Variants in SPAG16 observed in about 807,000 individuals in gnomAD.
The protein encoded by SPAG16 is sperm associated antigen 16.
SPAG16 carries 86 observed loss-of-function variants against 80.4 expected under a neutral mutation model. The observed-to-expected ratio is 1.07, with a 90% CI of 0.90 to 1.28. SPAG16 has a LOEUF of 1.28. SPAG16 is among the 50% of genes most tolerant of loss of function. The pLI, the probability that SPAG16 is intolerant of heterozygous loss-of-function variation, is 0.00. For synonymous variants in SPAG16, 294 were observed against 265.9 expected, an observed-to-expected ratio of 1.11 and a Z score of -1.03; for missense variants, 870 against 765.3, an observed-to-expected ratio of 1.14 and a Z score of -1.61.
chr2:214,270,267 T>C (rs908349323), intron 15 of SPAG16, among the ~76,000 whole-genome samples: 1 of 152,208 alleles, frequency 6.6e-6, no homozygotes, highest in Non-Finnish European at 1.5e-5. Context: ...TTAATTTCAT[T>C]TGCATAGTCT....
At chr2:213,371,576 C>CA (rs2066638851) in intron 8 of SPAG16, among the ~76,000 whole-genome samples, 1 of 151,986 alleles carries the variant, frequency 6.6e-6, no homozygotes, top group Non-Finnish European at 1.5e-5. Context: ...TCCACCCATC[C>CA]ATCTATCCAT....
intron 15 of SPAG16, among the ~76,000 whole-genome samples, chr2:214,253,227 A>C (rs138645448): frequency 0.023 from 3,462 of 151,280 alleles, 88 homozygotes; most frequent in African/African-American, 0.06. Flanking sequence ...GGGTAGATTG[A>C]AAAAATATTC....
At chr2:214,229,180 A>G (rs7571464) in intron 15 of SPAG16, among the ~76,000 whole-genome samples, 7,885 of 145,892 alleles carry the variant, frequency 0.054, 701 homozygotes, top group African/African-American at 0.19. Flanking sequence ...TAATTTCACT[A>G]TAGAAGAAAG....
At chr2:213,572,943 C>T (rs189099646) in intron 10 of SPAG16, among the ~76,000 whole-genome samples, 3 of 152,178 alleles carry the variant, frequency 2.0e-5, no homozygotes, top group East Asian at 1.9e-4. Context: ...TCTCATGGTT[C>T]GCCGCTTTTT....
rs537748803 is a variant in SPAG16 at position 213,483,251 on chromosome 2, T to C, written c.943-6712T>C. On this transcript the variant is annotated intron_variant, in intron 9 of 15. Transcript: ENST00000331683. ...CTTCACTATAATAAATAACGATGCA[T>C]AGAAAACTTTATATGTAGATCTTAG... Among the ~76,000 whole-genome samples, 327 of 152,298 alleles carry C rather than the reference T, an allele frequency of 2.1e-3. 2 individuals carry two copies. The highest frequency in any genetic ancestry group is 7.5e-3 in the African/African-American group (310 of 41,580).
intron 10 of SPAG16, among the ~76,000 whole-genome samples, chr2:213,844,897 C>T (rs1263575211): frequency 6.6e-6 from 1 of 152,054 alleles, no homozygotes; most frequent in African/African-American, 2.4e-5. Context: ...GCATACATAG[C>T]AATACAAATA....
chr2:213,476,597 T>C (rs2073407018), intron 9 of SPAG16, among the ~76,000 whole-genome samples: 1 of 152,228 alleles, frequency 6.6e-6, no homozygotes, highest in African/African-American at 2.4e-5. Context: ...GAGTCATAGG[T>C]CCACTCTTAC....
chr2:214,362,204 G>T (rs1405824561), intron 15 of SPAG16, among the ~76,000 whole-genome samples: 8 of 151,774 alleles, frequency 5.3e-5, no homozygotes, highest in African/African-American at 1.9e-4. Flanking sequence ...TTCATTATAA[G>T]GAGAAGGAGG....
chr2:213,764,372 G>C (rs527729773), intron 10 of SPAG16, among the ~76,000 whole-genome samples: 40 of 151,072 alleles, frequency 2.6e-4, no homozygotes, highest in Non-Finnish European at 2.7e-4. Context: ...GAACATTCAG[G>C]GGGAAAAAAA....
At chr2:213,504,551 A>G (rs2074882285) in intron 10 of SPAG16, among the ~76,000 whole-genome samples, 1 of 152,184 alleles carries the variant, frequency 6.6e-6, no homozygotes, top group African/African-American at 2.4e-5. Context: ...AAAATATATT[A>G]GAAGATAAAG....
At position 214,332,987 on chromosome 2, in the gene SPAG16, C is replaced by T. The variant is rs567850008; in HGVS notation, c.1721-77153C>T. 3.3e-5 allele frequency among the ~76,000 whole-genome samples: 5 copies of T among 152,272 alleles called. No homozygotes were observed. The East Asian group carries it at 5.8e-4, about 18-fold the overall frequency. On this transcript the variant is annotated intron_variant, in intron 15 of 15. Coordinates refer to ENST00000331683, the MANE Select transcript of SPAG16 (RefSeq NM_024532.5). The stretch of plus-strand genomic sequence containing the variant: ...AAGTTATGATGTGATGCTTTAGTCT[C>T]GAGATATCAATGTCAGCAATTCTCA...
At chr2:213,552,783 A>AGCT (rs61400369) in intron 10 of SPAG16, among the ~76,000 whole-genome samples, 11,891 of 152,182 alleles carry the variant, frequency 0.078, 1,137 homozygotes, top group African/African-American at 0.23. Context: ...CCATTTAATC[A>AGCT]GCTGCTAGCG....
chr2:214,237,933 C>G (rs1401596894), intron 15 of SPAG16, among the ~76,000 whole-genome samples: 1 of 152,058 alleles, frequency 6.6e-6, no homozygotes, highest in Non-Finnish European at 1.5e-5. Context: ...AGAAACCATG[C>G]TATCATTCTT....
At chr2:213,815,847 A>G (rs1400903013) in intron 10 of SPAG16, among the ~76,000 whole-genome samples, 2 of 152,108 alleles carry the variant, frequency 1.3e-5, no homozygotes, top group Non-Finnish European at 2.9e-5. Context: ...ACTTTTTTCA[A>G]TAGTAGAAAT....
chr2:214,356,655 AAC>A (rs1442653506), intron 15 of SPAG16, among the ~76,000 whole-genome samples: 10 of 151,994 alleles, frequency 6.6e-5, no homozygotes, highest in Non-Finnish European at 1.5e-5. Flanking sequence ...TTTCAACATA[AAC>A]ATTTACCGTA....
At chr2:213,607,815 C>T (rs187040325) in intron 10 of SPAG16, among the ~76,000 whole-genome samples, 4 of 152,244 alleles carry the variant, frequency 2.6e-5, no homozygotes, top group Admixed American at 2.6e-4. Flanking sequence ...TTGTTTTCTT[C>T]TCTGGAGAAA....
intron 9 of SPAG16, among the ~76,000 whole-genome samples, chr2:213,470,739 A>T (rs1452547907): frequency 6.6e-6 from 1 of 152,162 alleles, no homozygotes; most frequent in Non-Finnish European, 1.5e-5. Flanking sequence ...CTGGGGAAAG[A>T]GGCTGAGTGG....
intron 10 of SPAG16, among the ~76,000 whole-genome samples, chr2:213,739,553 A>G (rs2067445052): frequency 6.6e-6 from 1 of 152,194 alleles, no homozygotes; most frequent in Admixed American, 6.5e-5. Context: ...TATGGAAAAA[A>G]TTGTTTTGAC....
intron 10 of SPAG16, among the ~76,000 whole-genome samples, chr2:213,550,074 T>C (rs1033147777): frequency 6.6e-6 from 1 of 152,120 alleles, no homozygotes; most frequent in African/African-American, 2.4e-5. Context: ...TCAATACCTT[T>C]ATGAGTTTGG....
Sources: gnomAD v4.1 joint callset for allele counts (sites outside exome capture counted in the v4.1 genomes callset) on GRCh38, gnomAD v4.1.1 for gene constraint, MANE v1.5 for transcripts, NCBI Gene and HGNC (gene_info 2026-07-23, HGNC 2026-07-21) for gene names.